Variants in MFSD6 observed in about 807,000 individuals in gnomAD.
The protein encoded by MFSD6 is major facilitator superfamily domain-containing protein 6.
A neutral mutation model predicts 56.3 loss-of-function variants in MFSD6; 26 were observed. The ratio of observed to expected loss-of-function variants is 0.46; its 90% CI spans 0.34 to 0.64. MFSD6 has a LOEUF of 0.64. MFSD6 is among the 30% of genes least tolerant of loss of function. The pLI, the probability that MFSD6 is intolerant of heterozygous loss-of-function variation, is 0.01. For synonymous variants in MFSD6, 331 were observed against 366.9 expected (o/e 0.90, Z 1.12); for missense variants, 750 against 986.2 (o/e 0.76, Z 3.21).
At chr2:190,408,806 C>G (rs1690428088) in intron 1 of MFSD6, among the ~76,000 whole-genome samples, 1 of 152,212 alleles carries the variant, frequency 6.6e-6, no homozygotes, top group Non-Finnish European at 1.5e-5. Context: ...AGCACTTCCG[C>G]AAACGTAACT....
upstream of MFSD6, among the ~76,000 whole-genome samples, chr2:190,408,204 C>T (rs1357909757): frequency 6.6e-6 from 1 of 151,892 alleles, no homozygotes. Context: ...TGACCGGCGG[C>T]GGCGACTGTG....
At position 190,471,656 on chromosome 2, in the gene MFSD6, C is replaced by T. The variant is rs1574188942; in HGVS notation, c.1630+1801C>T. 6.6e-6 allele frequency among the ~76,000 whole-genome samples: 1 copy of T among 152,236 alleles called. No individual in the cohort carries two copies. The highest frequency in any genetic ancestry group is 1.5e-5 in the Non-Finnish European group (1 of 68,032). On this transcript the variant is annotated intron_variant, in intron 4 of 7. Coordinates refer to ENST00000392328, the MANE Select transcript of MFSD6 (RefSeq NM_017694.4). This position sits in a 1 kb window ranked among gnomAD's most constrained non-coding sequence, Gnocchi z 4.7. ...GAGGCCTGCCTGCCTCAGTAAACTCCACCTCTGGGGGCAGAGCATAGCCAA... is the reference window on the plus strand; with the variant it reads ...GAGGCCTGCCTGCCTCAGTAAACTCTACCTCTGGGGGCAGAGCATAGCCAA...
intron 3 of MFSD6, among the ~76,000 whole-genome samples, chr2:190,466,624 G>A (rs1459037924): frequency 2.0e-5 from 3 of 152,186 alleles, no homozygotes; most frequent in East Asian, 3.8e-4. Flanking sequence ...GCAAGTCATT[G>A]TGTCGTCATT....
At chr2:190,422,989 A>T (rs559794624) in intron 2 of MFSD6, among the ~76,000 whole-genome samples, 1 of 152,292 alleles carries the variant, frequency 6.6e-6, no homozygotes, top group South Asian at 2.1e-4. Context: ...AGATAAGAAA[A>T]TACATTATCA....
chr2:190,489,867 G>T lies in MFSD6; in HGVS notation c.1891+1G>T. 4 of 1,613,006 alleles carry T rather than the reference G, an allele frequency of 2.5e-6. No homozygotes were observed. The highest frequency in any genetic ancestry group is 3.4e-6 in the Non-Finnish European group (4 of 1,179,238). On this transcript the variant is annotated splice_donor_variant, in intron 6 of 7. Transcript: ENST00000392328. LOFTEE classifies it high-confidence loss of function. The surrounding 1 kb of genome is among the most constrained non-coding windows in gnomAD (Gnocchi z 6.6). The stretch of plus-strand genomic sequence containing the variant: ...CTGGCAGTGCCAGATGAGGAAGAAG[G>T]TAATTATTTCCATTCTTTCTTAATA...
chr2:190,499,178 A>ATAAC lies in MFSD6; in HGVS notation c.2173-834_2173-833insCTAA, dbSNP rs768226973. Among the ~76,000 whole-genome samples the ATAAC allele has an allele frequency of 1.2e-4, 18 of 152,174 alleles. No individual in the cohort carries two copies. The highest frequency in any genetic ancestry group is 2.4e-4 in the Non-Finnish European group (16 of 68,036). On this transcript the variant is annotated intron_variant, in intron 7 of 7. Coordinates refer to ENST00000392328, the MANE Select transcript of MFSD6 (RefSeq NM_017694.4). The surrounding 1 kb of genome is among the most constrained non-coding windows in gnomAD (Gnocchi z 6.0). The stretch of plus-strand genomic sequence containing the variant: ...TATAATAACAATAATAAATAAATAA[A>ATAAC]TAAAATGTTTCTGGTATGTTAGGAT...
chr2:190,493,201 A>T (rs1689466216), intron 6 of MFSD6, among the ~76,000 whole-genome samples: 1 of 152,112 alleles, frequency 6.6e-6, no homozygotes, highest in Non-Finnish European at 1.5e-5. Context: ...ATTCCATGCA[A>T]ATGGACACCA....
At position 190,436,871 on chromosome 2, in the gene MFSD6, A is replaced by G. The variant is rs1434089919; in HGVS notation, c.842A>G (p.Gln281Arg). The G allele has an allele frequency of 6.2e-7, 1 of 1,614,248 alleles. No homozygotes were observed. Among genetic ancestry groups the G allele is most frequent in the Non-Finnish European group, 8.5e-7 (1 of 1,180,046 alleles). Residue 281 changes from glutamine to arginine, a missense_variant, in exon 3 of 8, where the codon CAA (glutamine) becomes CGA (arginine). Physicochemically the swap from Gln to Arg is conservative, Grantham distance 43 (BLOSUM62 1). Coordinates refer to ENST00000392328, the MANE Select transcript of MFSD6 (RefSeq NM_017694.4). The surrounding 1 kb of genome is among the most constrained non-coding windows in gnomAD (Gnocchi z 5.3). ...PSDQVMLVYD[Q>R]QEVEAIFLVI... Reference sequence around the variant, plus strand: ...GACCAAGTCATGCTTGTTTATGATCAACAAGAAGTTGAAGCTATATTCTTG... The same window carrying G: ...GACCAAGTCATGCTTGTTTATGATCGACAAGAAGTTGAAGCTATATTCTTG...
rs1687156927 is a variant in MFSD6, at chr2:190,458,496, TTC to T, written c.1533-11260_1533-11259del. Among the ~76,000 whole-genome samples the T allele has an allele frequency of 6.6e-6, 1 of 152,124 alleles. No homozygotes were observed. The highest frequency in any genetic ancestry group is 1.5e-5 in the Non-Finnish European group (1 of 68,008). On this transcript the variant is annotated intron_variant, in intron 3 of 7. Transcript: ENST00000392328. The surrounding 1 kb of genome is among the most constrained non-coding windows in gnomAD (Gnocchi z 5.3). ...CTCCCAGAACTGTGAGAAAATAAAT[TTC>T]TGTTGTTGAAGCCACCCAGTCTGTG...
In MFSD6 at chr2:190,497,843, A is replaced by G. The variant is rs1175280796; in HGVS notation, c.2172+124A>G. The G allele has an allele frequency of 3.5e-5, 40 of 1,158,542 alleles. No homozygotes were observed. The highest frequency in any genetic ancestry group is 4.6e-5 in the African/African-American group (3 of 64,524). The allele number at this position is 1,158,542 out of a possible 1,614,324, so 71.8% of individuals were successfully genotyped here. ...TGAAAGTCTGGTGGGGGAAATAGAC[A>G]TGCAAACAATTTCAGTACTCTGTGA... On this transcript the variant is annotated intron_variant, in intron 7 of 7. Coordinates refer to ENST00000392328, the MANE Select transcript of MFSD6 (RefSeq NM_017694.4). The surrounding 1 kb of genome is among the most constrained non-coding windows in gnomAD (Gnocchi z 5.2).
chr2:190,411,350 G>A (rs1690558355), intron 1 of MFSD6: 2 of 466,540 alleles, frequency 4.3e-6, no homozygotes, highest in African/African-American at 4.3e-5. Context: ...AGTAGAGACG[G>A]GGTTTCATCA....
At position 190,488,372 on chromosome 2, in the gene MFSD6, TG is replaced by T. The variant is rs1689137932; in HGVS notation, c.1631-282del. Among the ~76,000 whole-genome samples, 1 of 152,154 alleles carries T rather than the reference TG, an allele frequency of 6.6e-6. No homozygotes were observed. Among genetic ancestry groups the T allele is most frequent in the Non-Finnish European group, 1.5e-5 (1 of 68,016 alleles). ...AAGTAGAATGGTGGTTGTCAGGGGA[TG>T]GGACAAGGGGTGAGTGTAAGTTATG... On this transcript the variant is annotated intron_variant, in intron 4 of 7. Coordinates refer to ENST00000392328, the MANE Select transcript of MFSD6 (RefSeq NM_017694.4). This position sits in a 1 kb window ranked among gnomAD's most constrained non-coding sequence, Gnocchi z 6.4.
chr2:190,499,230 GTTATTC>G lies in MFSD6; in HGVS notation c.2173-781_2173-776del, dbSNP rs1398064306. Among the ~76,000 whole-genome samples the G allele has an allele frequency of 2.6e-5, 4 of 152,190 alleles. No homozygotes were observed. Among genetic ancestry groups the G allele is most frequent in the Admixed American group, 6.5e-5 (1 of 15,278 alleles). On this transcript the variant is annotated intron_variant, in intron 7 of 7. Coordinates refer to ENST00000392328, the MANE Select transcript of MFSD6 (RefSeq NM_017694.4). This position sits in a 1 kb window ranked among gnomAD's most constrained non-coding sequence, Gnocchi z 6.0. Reference sequence around the variant, plus strand: ...AATAAAAACTGGCAGGTATGCTGTAGTTATTCTTAGAAGTCATTATACTAAGTTTCT... The same window carrying G: ...AATAAAAACTGGCAGGTATGCTGTAGTTAGAAGTCATTATACTAAGTTTCT...
Position 190,416,549 on chromosome 2 carries a change from C to T in MFSD6, c.-54+1136C>T, listed in dbSNP as rs1690783052. On this transcript the variant is annotated intron_variant, in intron 2 of 7. Transcript: ENST00000392328. The surrounding 1 kb of genome is among the most constrained non-coding windows in gnomAD (Gnocchi z 4.1). ...CCCCATCAGGCTGTAGACATGAAAA[C>T]AGACATGAACATAAATTCATGAGCA... 6.6e-6 allele frequency among the ~76,000 whole-genome samples: 1 copy of T among 152,172 alleles called. No individual in the cohort carries two copies. Among genetic ancestry groups the T allele is most frequent in the African/African-American group, 2.4e-5 (1 of 41,438 alleles).
In MFSD6 at chr2:190,465,718, C is replaced by T. The variant is rs761355882; in HGVS notation, c.1533-4040C>T. ...TAAAAAACAGAAGTTTATGGCCGGG[C>T]GTGGTGGCTCACGCCTATAATCCCA... On this transcript the variant is annotated intron_variant, in intron 3 of 7. Coordinates refer to ENST00000392328, the MANE Select transcript of MFSD6 (RefSeq NM_017694.4). This position sits in a 1 kb window ranked among gnomAD's most constrained non-coding sequence, Gnocchi z 4.6. Among the ~76,000 whole-genome samples the T allele has an allele frequency of 4.6e-5, 7 of 152,056 alleles. No homozygotes were observed. Among genetic ancestry groups the T allele is most frequent in the African/African-American group, 7.2e-5 (3 of 41,408 alleles).
rs559536183 is a variant in MFSD6, at chr2:190,459,024, C to A, written c.1533-10734C>A. ...CCCAAGTCTGACGTAGAGAGTGGGT[C>A]CATCCCCTCTTCAGTAGAAAAGCCC... On this transcript the variant is annotated intron_variant, in intron 3 of 7. Transcript: ENST00000392328. This position sits in a 1 kb window ranked among gnomAD's most constrained non-coding sequence, Gnocchi z 5.3. 4.6e-5 allele frequency among the ~76,000 whole-genome samples: 7 copies of A among 152,326 alleles called. No homozygotes were observed. In the East Asian group the frequency reaches 9.6e-4, roughly 21 times the overall value.
In MFSD6 at chr2:190,417,701, A is replaced by C. The variant is rs753931721; in HGVS notation, c.-54+2288A>C. On this transcript the variant is annotated intron_variant, in intron 2 of 7. Transcript: ENST00000392328. The surrounding 1 kb of genome is among the most constrained non-coding windows in gnomAD (Gnocchi z 5.7). ...CATGTGCCCTTTAGTCTTGGGATAA[A>C]TCTTTTACGGATCCTCTGCTGCCTT... 2.3e-4 allele frequency among the ~76,000 whole-genome samples: 35 copies of C among 151,880 alleles called. No individual in the cohort carries two copies. Among genetic ancestry groups the C allele is most frequent in the Non-Finnish European group, 4.6e-4 (31 of 67,996 alleles).
At chr2:190,450,488 C>CTT (rs10665730) in intron 3 of MFSD6, among the ~76,000 whole-genome samples, 39,287 of 96,220 alleles carry the variant, frequency 0.41, 9,324 homozygotes, top group East Asian at 0.71. Flanking sequence ...TCTCTTTTTC[C>CTT]TTTTTTTTTT....
At position 190,454,759 on chromosome 2, in the gene MFSD6, A is replaced by C. The variant is rs1418000030; in HGVS notation, c.1533-14999A>C. ...CCGAGCAAATTAATAATGTGTCTAAATAGAGTAAGGAGAGCCTGAGGCAGG... is the reference window on the plus strand; with the variant it reads ...CCGAGCAAATTAATAATGTGTCTAACTAGAGTAAGGAGAGCCTGAGGCAGG... On this transcript the variant is annotated intron_variant, in intron 3 of 7. Transcript: ENST00000392328. This position sits in a 1 kb window ranked among gnomAD's most constrained non-coding sequence, Gnocchi z 4.6. Among the ~76,000 whole-genome samples, 1 of 152,122 alleles carries C rather than the reference A, an allele frequency of 6.6e-6. No individual in the cohort carries two copies. The highest frequency in any genetic ancestry group is 1.9e-4 in the East Asian group (1 of 5,196).
Sources: gnomAD v4.1 joint callset for allele counts (sites outside exome capture counted in the v4.1 genomes callset) on GRCh38, gnomAD v4.1.1 for gene constraint, Gnocchi (gnomAD v3.1) non-coding constraint, MANE v1.5 for transcripts, NCBI Gene and HGNC (gene_info 2026-07-23, HGNC 2026-07-21) for gene names.